FAM169A: variants seen among roughly 807,000 people sequenced by gnomAD.
FAM169A encodes soluble lamin-associated protein of 75 kDa.
Under a neutral mutation model 75.7 loss-of-function variants are expected in FAM169A, and 24 were observed. That is an observed-to-expected ratio of 0.32 (90% confidence interval 0.23 to 0.45). The LOEUF (loss-of-function observed/expected upper bound fraction) is 0.45, where lower values mean the gene tolerates loss of function less well. Ranked by LOEUF, FAM169A falls within the 20% of genes least tolerant of loss-of-function variation. The probability of loss-of-function intolerance (pLI) is 1.00; values close to 1 mark genes in which losing one functional copy is unlikely to be tolerated. For synonymous variants in FAM169A, 271 were observed against 271.0 expected (o/e 1.00, Z 0.00); for missense variants, 673 against 784.0 (o/e 0.86, Z 1.69).
intron 10 of FAM169A, chr5:74,799,732 A>G: frequency 1.7e-6 from 2 of 1,173,934 alleles, no homozygotes; most frequent in Non-Finnish European, 2.6e-6. Context: ...ACGGAGTTCC[A>G]GCTGCTCCTG....
chr5:74,840,101 G>C lies in FAM169A; in HGVS notation c.205C>G (p.Leu69Val). 6 of 1,595,376 alleles carry C rather than the reference G, an allele frequency of 3.8e-6. No individual in the cohort carries two copies. Among genetic ancestry groups the C allele is most frequent in the South Asian group, 1.2e-5 (1 of 86,528 alleles). ...GGDQTQKILALFAPEDSLTAV... is the reference protein window; with the variant it reads ...GGDQTQKILAVFAPEDSLTAV... Reference sequence around the variant, plus strand: ...GTCAGTGAATCTTCAGGTGCAAAGAGAGCAAGAATTTTCTGGGTCTGATCT... The same window carrying C: ...GTCAGTGAATCTTCAGGTGCAAAGACAGCAAGAATTTTCTGGGTCTGATCT... The change falls in exon 3 of 13, where the codon CTC becomes GTC. Residue 69 changes from leucine to valine, a missense_variant. By Grantham distance (32) the Leu-to-Val change is conservative (BLOSUM62 1). This residue lies in a region of FAM169A where 107 missense variants were observed against 180.8 expected (regional missense o/e 0.59). Coordinates refer to ENST00000687041, the MANE Select transcript of FAM169A (RefSeq NM_001376049.1).
chr5:74,806,452 G>A (rs1271008659), intron 6 of FAM169A, among the ~76,000 whole-genome samples: 1 of 151,702 alleles, frequency 6.6e-6, no homozygotes, highest in African/African-American at 2.4e-5. Flanking sequence ...GAAAACATAG[G>A]AGAATACCTC....
intron 1 of FAM169A, among the ~76,000 whole-genome samples, chr5:74,860,685 T>G (rs561894763): frequency 4.0e-4 from 61 of 152,230 alleles, no homozygotes; most frequent in African/African-American, 1.4e-3. Flanking sequence ...GATTTCTAAG[T>G]AAGAGCAAGT....
rs748011580 is a variant in FAM169A at position 74,800,976 on chromosome 5, G to A, written c.1007C>T (p.Pro336Leu). Residue 336 changes from proline (P) to leucine (L), a missense_variant, in exon 10 of 13, where the codon CCA becomes CTA. Pro to Leu is a moderately conservative substitution (Grantham distance 98). Around this residue, in one of 3 missense-constraint regions of FAM169A, gnomAD observed 510 missense variants for 550.9 expected, o/e 0.93. Transcript: ENST00000687041. ...ATCCTGAAACCGCTTTCCAATCTTTGGCCGCTTTAGATTACCACTTCGAGT... is the reference window on the plus strand; with the variant it reads ...ATCCTGAAACCGCTTTCCAATCTTTAGCCGCTTTAGATTACCACTTCGAGT... Reference protein sequence around the residue: ...THTRSGNLKRPKIGKRFQDSE... With the variant: ...THTRSGNLKRLKIGKRFQDSE... The A allele has an allele frequency of 6.4e-7, 1 of 1,560,568 alleles. No homozygotes were observed. The highest frequency in any genetic ancestry group is 8.7e-7 in the Non-Finnish European group (1 of 1,152,772).
chr5:74,796,659 C>T lies in FAM169A; in HGVS notation c.1104-473G>A, dbSNP rs368459284. Among the ~76,000 whole-genome samples the T allele has an allele frequency of 2.0e-5, 3 of 152,016 alleles. No homozygotes were observed. In the South Asian group the frequency reaches 6.3e-4, roughly 32 times the overall value. On this transcript the variant is annotated intron_variant, in intron 10 of 12. Transcript: ENST00000687041. ...GACCTCGTGATCCGCCCATCTTGGCCTCCCAAAGTGCTGGGATTACAGGTG... is the reference window on the plus strand; with the variant it reads ...GACCTCGTGATCCGCCCATCTTGGCTTCCCAAAGTGCTGGGATTACAGGTG...
At chr5:74,795,990 GT>G in intron 11 of FAM169A, 39 bp downstream of exon 11, 1 of 1,587,546 alleles carries the variant, frequency 6.3e-7, no homozygotes, top group Non-Finnish European at 8.6e-7. Context: ...GTAAAATTTA[GT>G]TTACTTTTTT....
intron 5 of FAM169A, among the ~76,000 whole-genome samples, chr5:74,832,030 G>A (rs775742648): frequency 1.3e-5 from 2 of 151,920 alleles, no homozygotes; most frequent in Non-Finnish European, 2.9e-5. Flanking sequence ...GATAAATTCA[G>A]GAACCACAAG....
intron 11 of FAM169A, among the ~76,000 whole-genome samples, chr5:74,786,667 T>G (rs567783440): frequency 1.3e-5 from 2 of 152,340 alleles, no homozygotes; most frequent in South Asian, 4.1e-4. Context: ...TCAGGGATTC[T>G]AACTCCTGGC....
chr5:74,854,419 A>C lies in FAM169A; in HGVS notation c.-4+11746T>G, dbSNP rs927176124. ...CAAAAATAATAATAATAATAATAAT[A>C]ATCACATCCATCACCTGAGGCATTT... On this transcript the variant is annotated intron_variant, in intron 1 of 12. Coordinates refer to ENST00000687041, the MANE Select transcript of FAM169A (RefSeq NM_001376049.1). 3.4e-5 allele frequency among the ~76,000 whole-genome samples: 5 copies of C among 145,190 alleles called. No homozygotes were observed. In the South Asian group the frequency reaches 6.5e-4, roughly 19 times the overall value.
At chr5:74,795,163 C>T (rs188531735) in intron 11 of FAM169A, among the ~76,000 whole-genome samples, 51 of 152,156 alleles carry the variant, frequency 3.4e-4, no homozygotes, top group African/African-American at 1.1e-3. Context: ...AAGACTGAGG[C>T]AGGAGAATCA....
At chr5:74,842,919 A>C (rs1344991117) in intron 1 of FAM169A, among the ~76,000 whole-genome samples, 1 of 152,162 alleles carries the variant, frequency 6.6e-6, no homozygotes, top group African/African-American at 2.4e-5. Flanking sequence ...ATTATTTGCA[A>C]ATAATATACT....
At chr5:74,860,583 T>C (rs1749978836) in intron 1 of FAM169A, among the ~76,000 whole-genome samples, 4 of 152,080 alleles carry the variant, frequency 2.6e-5, no homozygotes, top group Admixed American at 2.6e-4. Flanking sequence ...CTCAGGACAA[T>C]CTGACTTTCT....
chr5:74,843,902 G>C (rs1484582232), intron 1 of FAM169A, among the ~76,000 whole-genome samples: 1 of 152,168 alleles, frequency 6.6e-6, no homozygotes, highest in Non-Finnish European at 1.5e-5. Context: ...CAATGTTACT[G>C]AAAGTGAGAC....
At chr5:74,855,035 A>G (rs1346571063) in intron 1 of FAM169A, among the ~76,000 whole-genome samples, 1 of 152,090 alleles carries the variant, frequency 6.6e-6, no homozygotes, top group East Asian at 1.9e-4. Flanking sequence ...GAACCTTTAA[A>G]CTGTTCTCCA....
At chr5:74,782,904 T>C (rs765333034) in intron 12 of FAM169A, 27 bp downstream of exon 12, 20 of 1,568,206 alleles carry the variant, frequency 1.3e-5, no homozygotes, top group Admixed American at 3.5e-5. Context: ...GTAAACTTTA[T>C]TAAAAAATAG....
At chr5:74,840,524 G>GT (rs756748352) in intron 2 of FAM169A, among the ~76,000 whole-genome samples, 8 of 140,530 alleles carry the variant, frequency 5.7e-5, no homozygotes, top group East Asian at 4.1e-4. Flanking sequence ...CCATTATCTA[G>GT]TTAAAAAAAA....
intron 5 of FAM169A, among the ~76,000 whole-genome samples, chr5:74,828,861 C>A (rs1196734468): frequency 2.6e-5 from 4 of 152,042 alleles, no homozygotes; most frequent in African/African-American, 9.7e-5. Context: ...GGCTGAGGCA[C>A]GTGTTCAACC....
chr5:74,861,488 C>T (rs1341822441), intron 1 of FAM169A, among the ~76,000 whole-genome samples: 1 of 152,082 alleles, frequency 6.6e-6, no homozygotes, highest in African/African-American at 2.4e-5. Context: ...CTTTGGGAGA[C>T]CAAGACAGGC....
chr5:74,795,141 C>T (rs1746203177), intron 11 of FAM169A, among the ~76,000 whole-genome samples: 1 of 151,886 alleles, frequency 6.6e-6, no homozygotes, highest in Non-Finnish European at 1.5e-5. Context: ...ACCTGTAATC[C>T]CAGCTACTTG....
Sources: gnomAD v4.1 joint callset for allele counts (sites outside exome capture counted in the v4.1 genomes callset) on GRCh38, gnomAD v4.1.1 for gene constraint, gnomAD v4.1.1 regional missense constraint, MANE v1.5 for transcripts, NCBI Gene and HGNC (gene_info 2026-07-23, HGNC 2026-07-21) for gene names.